The following ROR2 variants were observed in gnomAD, a reference collection of about 807,000 sequenced individuals.
The protein encoded by ROR2 is tyrosine-protein kinase transmembrane receptor ROR2.
A neutral mutation model predicts 74.9 loss-of-function variants in ROR2; 33 were observed. The observed-to-expected ratio is 0.44, with a 90% CI of 0.33 to 0.59. The LOEUF is 0.59. ROR2 is among the 20% of genes least tolerant of loss of function. The pLI is 0.02. For missense variants in ROR2, 1,216 were observed against 1,313.8 expected (o/e 0.93, Z 1.15); for synonymous variants, 586 against 558.7 (o/e 1.05, Z -0.69).
At chr9:91,818,502 C>A (rs1473868524) in intron 1 of ROR2, among the ~76,000 whole-genome samples, 1 of 143,138 alleles carries the variant, frequency 7.0e-6, no homozygotes, top group Non-Finnish European at 1.5e-5. Flanking sequence ...GCCCCTCATG[C>A]CACCTGGACC....
chr9:91,898,968 C>T (rs1830605290), intron 1 of ROR2, among the ~76,000 whole-genome samples: 1 of 152,218 alleles, frequency 6.6e-6, no homozygotes, highest in Admixed American at 6.5e-5. Flanking sequence ...TCTTGGTCTT[C>T]ACTCTGATAC....
chr9:91,865,549 A>G (rs1183224430), intron 1 of ROR2, among the ~76,000 whole-genome samples: 1 of 152,238 alleles, frequency 6.6e-6, no homozygotes, highest in Non-Finnish European at 1.5e-5. Context: ...AGTTAGGTAA[A>G]TACCTTATTC....
chr9:91,922,168 T>C (rs1831286688), intron 1 of ROR2, among the ~76,000 whole-genome samples: 1 of 151,546 alleles, frequency 6.6e-6, no homozygotes, highest in Non-Finnish European at 1.5e-5. Flanking sequence ...GTTGAGAACG[T>C]AGAGAAATTA....
At chr9:91,816,950 T>G (rs562089180) in intron 1 of ROR2, among the ~76,000 whole-genome samples, 7 of 152,222 alleles carry the variant, frequency 4.6e-5, no homozygotes, top group Non-Finnish European at 1.0e-4. Context: ...CTCCTAAAAA[T>G]GTGACAAAGC....
At chr9:91,782,383 G>A (rs1336616922) in intron 1 of ROR2, among the ~76,000 whole-genome samples, 1 of 151,866 alleles carries the variant, frequency 6.6e-6, no homozygotes, top group South Asian at 2.1e-4. Context: ...TTAATTAAAG[G>A]GAGGGATGTA....
chr9:91,856,849 G>C (rs1422123889), intron 1 of ROR2, among the ~76,000 whole-genome samples: 1 of 152,206 alleles, frequency 6.6e-6, no homozygotes, highest in African/African-American at 2.4e-5. Flanking sequence ...CTGCCTCACT[G>C]CTCAAGCTCA....
chr9:91,829,847 TA>T (rs1336089029), intron 1 of ROR2, among the ~76,000 whole-genome samples: 2 of 152,218 alleles, frequency 1.3e-5, no homozygotes, highest in African/African-American at 4.8e-5. Context: ...TAAATATTTT[TA>T]ACGTAATACA....
At chr9:91,879,218 G>A (rs577363636) in intron 1 of ROR2, among the ~76,000 whole-genome samples, 1 of 152,148 alleles carries the variant, frequency 6.6e-6, no homozygotes, top group Non-Finnish European at 1.5e-5. Context: ...AATCGGAACA[G>A]ACTGGGCCAC....
At chr9:91,803,017 C>T (rs1827442004) in intron 1 of ROR2, among the ~76,000 whole-genome samples, 1 of 152,116 alleles carries the variant, frequency 6.6e-6, no homozygotes, top group Non-Finnish European at 1.5e-5. Context: ...CCCACTAAGG[C>T]AGCCGTAAAA....
intron 1 of ROR2, among the ~76,000 whole-genome samples, chr9:91,835,309 A>G (rs1828577913): frequency 6.6e-6 from 1 of 152,206 alleles, no homozygotes; most frequent in South Asian, 2.1e-4. Context: ...CTCTGTCTTA[A>G]AACACTTCCA....
At position 91,731,155 on chromosome 9, in the gene ROR2, T is replaced by C; in HGVS notation, c.938A>G (p.Tyr313Cys). Reference protein sequence around the residue: ...IGIPAERLGRYHQCYNGSGMD... With the variant: ...IGIPAERLGRCHQCYNGSGMD... ...GCCTGAGCCGTTATAGCACTGATGG[T>C]CTGAACAAGGAAAACACGTTAGGAA... Residue 313 changes from tyrosine to cysteine, a missense_variant and splice_region_variant, in exon 7 of 9, where the codon TAC becomes TGC. Coordinates refer to ENST00000375708, the MANE Select transcript of ROR2 (RefSeq NM_004560.4). The C allele has an allele frequency of 6.2e-7, 1 of 1,614,024 alleles. No homozygotes were observed. The highest frequency in any genetic ancestry group is 1.6e-4 in the Middle Eastern group (1 of 6,062).
chr9:91,840,234 C>T (rs1828740400), intron 1 of ROR2, among the ~76,000 whole-genome samples: 1 of 152,184 alleles, frequency 6.6e-6, no homozygotes, highest in Non-Finnish European at 1.5e-5. Flanking sequence ...CAGGAACACA[C>T]GTGTGACATT....
At position 91,909,842 on chromosome 9, in the gene ROR2, G is replaced by GTTTTTTTTTTT. The variant is rs1232142986; in HGVS notation, c.97+40024_97+40025insAAAAAAAAAAA. Among the ~76,000 whole-genome samples, 28 of 55,990 alleles carry GTTTTTTTTTTT rather than the reference G, an allele frequency of 5.0e-4. 4 individuals carry two copies. Among genetic ancestry groups the GTTTTTTTTTTT allele is most frequent in the African/African-American group, 1.3e-3 (18 of 13,388 alleles). 36.7% of individuals were successfully genotyped at this position (55,990 alleles called of 152,430 possible). On this transcript the variant is annotated intron_variant, in intron 1 of 8. Transcript: ENST00000375708. ...TTTATTCTTTTTTTTTTTTAGGTTT[G>GTTTTTTTTTTT]TTTTGTTTTTTTTTTTTTTTTTTTT...
chr9:91,807,686 C>A (rs1166871939), intron 1 of ROR2, among the ~76,000 whole-genome samples: 1 of 152,108 alleles, frequency 6.6e-6, no homozygotes, highest in Non-Finnish European at 1.5e-5. Context: ...GGAGGACACC[C>A]AGCTGGCGTC....
intron 1 of ROR2, among the ~76,000 whole-genome samples, chr9:91,806,736 C>G (rs902328204): frequency 6.6e-6 from 1 of 152,094 alleles, no homozygotes; most frequent in Non-Finnish European, 1.5e-5. Flanking sequence ...ACTACAGGCA[C>G]CCACCACCAC....
At chr9:91,940,859 C>A (rs1263007504) in intron 1 of ROR2, among the ~76,000 whole-genome samples, 1 of 152,142 alleles carries the variant, frequency 6.6e-6, no homozygotes, top group Non-Finnish European at 1.5e-5. Flanking sequence ...TCCTCAGCCT[C>A]CCAAAGTGCT....
At chr9:91,843,210 A>C (rs1277117687) in intron 1 of ROR2, among the ~76,000 whole-genome samples, 2 of 152,188 alleles carry the variant, frequency 1.3e-5, no homozygotes, top group African/African-American at 4.8e-5. Flanking sequence ...CCCTGAAGAC[A>C]CGTACAGGAA....
rs753864565 is a variant in ROR2 at position 91,723,745 on chromosome 9, C to G, written c.2749G>C (p.Glu917Gln). ...AGCTCAGTCTCTGGGACAGAGCCTT[C>G]CTCCTCCTCCTCTGCTTCCTGCACG... ...STVQEAEEEE[E>Q]GSVPETELLG... The change falls in exon 9 of 9, where the codon GAA becomes CAA. Residue 917 changes from glutamate (E) to glutamine (Q), a missense_variant. Glu to Gln is a conservative substitution (Grantham distance 29). Coordinates refer to ENST00000375708, the MANE Select transcript of ROR2 (RefSeq NM_004560.4). 3 of 1,612,156 alleles carry G rather than the reference C, an allele frequency of 1.9e-6. 1 individual carries two copies. In the South Asian group the frequency reaches 3.3e-5, roughly 18 times the overall value.
chr9:91,785,184 A>G (rs759084894), intron 1 of ROR2, among the ~76,000 whole-genome samples: 7 of 152,296 alleles, frequency 4.6e-5, no homozygotes, highest in Non-Finnish European at 7.3e-5. Context: ...GCTCCCCTGC[A>G]GTTTGCATTT....
Sources: gnomAD v4.1 joint callset for allele counts (sites outside exome capture counted in the v4.1 genomes callset) on GRCh38, gnomAD v4.1.1 for gene constraint, MANE v1.5 for transcripts, NCBI Gene and HGNC (gene_info 2026-07-23, HGNC 2026-07-21) for gene names.